Variants in PCYOX1 observed in about 807,000 individuals in gnomAD.
The protein encoded by PCYOX1 is prenylcysteine oxidase 1.
A neutral mutation model predicts 46.4 loss-of-function variants in PCYOX1; 46 were observed. The ratio of observed to expected loss-of-function variants is 0.99; its 90% CI spans 0.78 to 1.27. The LOEUF is 1.27. PCYOX1 is among the 50% of genes most tolerant of loss of function. PCYOX1 has a pLI of 0.00. For synonymous variants in PCYOX1, 220 were observed against 231.8 expected (o/e 0.95, Z 0.46); for missense variants, 658 against 628.3 (o/e 1.05, Z -0.51).
chr2:70,271,253 T>TC (rs1383118351), intron 3 of PCYOX1, among the ~76,000 whole-genome samples: 2 of 148,254 alleles, frequency 1.3e-5, no homozygotes, highest in Non-Finnish European at 3.0e-5. Context: ...TTTTTTTTTT[T>TC]CTGTAAGTAT....
In PCYOX1 at chr2:70,277,514, A is replaced by T; in HGVS notation, c.*122A>T. ...GCCATTATCATTGTTTAATAAAAGT[A>T]ATCCCTGCTGGTCATAGGAAAACAC... On this transcript the variant is annotated 3_prime_UTR_variant, in exon 6 of 6. Coordinates refer to ENST00000433351, the MANE Select transcript of PCYOX1 (RefSeq NM_016297.4). 1.3e-6 allele frequency: 1 copy of T among 782,242 alleles called. No individual in the cohort carries two copies. The highest frequency in any genetic ancestry group is 2.5e-5 in the East Asian group (1 of 39,250). 48.5% of individuals were successfully genotyped at this position (782,242 alleles called of 1,614,324 possible).
Position 70,261,217 on chromosome 2 carries a change from TCTG to T in PCYOX1, c.329_331del (p.Ala110del), listed in dbSNP as rs774946699. On this transcript the variant is annotated inframe_deletion, in exon 3 of 6. Transcript: ENST00000433351. ...TGTGCTTTATGTTTTTGCAGGTCTC[TCTG>T]CTGTTCAGGCCTCTGGTGGCCTACT... is the stretch of plus-strand genomic sequence containing the variant. The T allele has an allele frequency of 1.2e-4, 188 of 1,608,750 alleles. No individual in the cohort carries two copies. Among genetic ancestry groups the T allele is most frequent in the Non-Finnish European group, 1.3e-4 (156 of 1,175,610 alleles).
Position 70,277,359 on chromosome 2 carries a change from T to C in PCYOX1, c.1485T>C (p.Asp495=). 6.2e-7 allele frequency: 1 copy of C among 1,601,756 alleles called. No homozygotes were observed. The highest frequency in any genetic ancestry group is 8.5e-7 in the Non-Finnish European group (1 of 1,170,642). The change falls in exon 6 of 6, where the codon GAT becomes GAC. Residue 495 remains aspartate, a synonymous_variant. Transcript: ENST00000433351. ...WNGHTDMIDQ[D]GLYEKLKTEL ...GGCACACAGACATGATTGATCAGGATGGCTTATATGAGAAACTTAAAACTG... is the reference window on the plus strand; with the variant it reads ...GGCACACAGACATGATTGATCAGGACGGCTTATATGAGAAACTTAAAACTG...
intron 3 of PCYOX1, among the ~76,000 whole-genome samples, chr2:70,267,743 A>G (rs902019735): frequency 2.7e-5 from 4 of 148,928 alleles, no homozygotes; most frequent in African/African-American, 9.9e-5. Context: ...GCAGCAGTAC[A>G]GTCCAGCCTT....
chr2:70,258,485 GTGCCCACTTGA>G, intron 1 of PCYOX1: 1 of 408,738 alleles, frequency 2.4e-6, no homozygotes, highest in Non-Finnish European at 4.4e-6. Context: ...GCGTGGAGAG[GTGCCCACTTGA>G]GGAATGGGCG....
At chr2:70,260,854 A>T (rs115687673) in intron 2 of PCYOX1, among the ~76,000 whole-genome samples, 1 of 152,200 alleles carries the variant, frequency 6.6e-6, no homozygotes. Context: ...GTATACCCAG[A>T]ACAAATTATG....
intron 1 of PCYOX1, 71 bp from the exon 2 acceptor site, chr2:70,259,289 T>A: frequency 7.1e-7 from 1 of 1,408,882 alleles, no homozygotes; most frequent in Non-Finnish European, 1.0e-6. Context: ...ATTGATGGTC[T>A]TTCAAAAACA....
At chr2:70,262,374 C>T (rs1324932336) in intron 3 of PCYOX1, among the ~76,000 whole-genome samples, 2 of 151,638 alleles carry the variant, frequency 1.3e-5, no homozygotes, top group Non-Finnish European at 2.9e-5. Context: ...CCCTCTTGGC[C>T]AGGCTGGTCT....
chr2:70,270,594 G>A (rs2104896530), intron 3 of PCYOX1, among the ~76,000 whole-genome samples: 1 of 152,194 alleles, frequency 6.6e-6, no homozygotes, highest in Middle Eastern at 3.4e-3. Flanking sequence ...TACCTCTACC[G>A]GAAATATTTT....
Position 70,278,392 on chromosome 2 carries a change from A to C in PCYOX1, c.*1000A>C, listed in dbSNP as rs1038944999. On this transcript the variant is annotated 3_prime_UTR_variant, in exon 6 of 6. Coordinates refer to ENST00000433351, the MANE Select transcript of PCYOX1 (RefSeq NM_016297.4). Reference sequence around the variant, plus strand: ...AGGGTTTTAGTGCCTTAGAAGTCCTAAGAAGCCCAATCTGTATCAAAGCAG... The same window carrying C: ...AGGGTTTTAGTGCCTTAGAAGTCCTCAGAAGCCCAATCTGTATCAAAGCAG... 3.3e-5 allele frequency: 5 copies of C among 152,682 alleles called. No homozygotes were observed. The highest frequency in any genetic ancestry group is 1.3e-4 in the Admixed American group (2 of 15,288). 9.5% of individuals were successfully genotyped at this position (152,682 alleles called of 1,614,324 possible).
At chr2:70,262,477 A>ATT (rs1425261526) in intron 3 of PCYOX1, among the ~76,000 whole-genome samples, 14 of 115,056 alleles carry the variant, frequency 1.2e-4, no homozygotes, top group South Asian at 2.7e-4. Flanking sequence ...GCATGTGCTA[A>ATT]TTTTTTTTTT....
At position 70,278,786 on chromosome 2, in the gene PCYOX1, T is replaced by C. The variant is rs867607488; in HGVS notation, c.*1394T>C. ...TTCTGCATCTACTGTGCAAAGATCA[T>C]GATTAACTGTCAAGACACTGGTAGA... On this transcript the variant is annotated 3_prime_UTR_variant, in exon 6 of 6. Coordinates refer to ENST00000433351, the MANE Select transcript of PCYOX1 (RefSeq NM_016297.4). 6.6e-6 allele frequency: 1 copy of C among 152,158 alleles called. No individual in the cohort carries two copies. Among genetic ancestry groups the C allele is most frequent in the East Asian group, 1.9e-4 (1 of 5,188 alleles). The allele number at this position is 152,158 out of a possible 1,614,324, so 9.4% of individuals were successfully genotyped here.
rs536713913 is a variant in PCYOX1 at position 70,268,355 on chromosome 2, A to G, written c.495-6604A>G. On this transcript the variant is annotated intron_variant, in intron 3 of 5. Coordinates refer to ENST00000433351, the MANE Select transcript of PCYOX1 (RefSeq NM_016297.4). The stretch of plus-strand genomic sequence containing the variant: ...AAATCTGTTTTGTGACTGAGAAGAC[A>G]TGACAGGATTCTGTGCTCTCATCCC... Among the ~76,000 whole-genome samples, 9 of 152,256 alleles carry G rather than the reference A, an allele frequency of 5.9e-5. No individual in the cohort carries two copies. The East Asian group carries it at 1.5e-3, about 26-fold the overall frequency.
intron 1 of PCYOX1, among the ~76,000 whole-genome samples, chr2:70,258,730 T>TC (rs1414539395): frequency 6.6e-6 from 1 of 152,178 alleles, no homozygotes; most frequent in Non-Finnish European, 1.5e-5. Context: ...CCTGCCTGCT[T>TC]CCCTTGGGAG....
chr2:70,267,265 C>A (rs930905800), intron 3 of PCYOX1, among the ~76,000 whole-genome samples: 1 of 151,824 alleles, frequency 6.6e-6, no homozygotes, highest in East Asian at 1.9e-4. Flanking sequence ...ACTTCCTAGA[C>A]GGGATGACGG....
At position 70,275,275 on chromosome 2, in the gene PCYOX1, C is replaced by T. The variant is rs924177218; in HGVS notation, c.706+105C>T. ...GCTGTGGATTGGAGGCTACTTTTCT[C>T]TGTGAACCTCAGACATTGTTAGCAA... is the stretch of plus-strand genomic sequence containing the variant. On this transcript the variant is annotated intron_variant, in intron 4 of 5. Coordinates refer to ENST00000433351, the MANE Select transcript of PCYOX1 (RefSeq NM_016297.4). The T allele has an allele frequency of 6.8e-6, 7 of 1,030,408 alleles. 1 individual carries two copies. Among genetic ancestry groups the T allele is most frequent in the Middle Eastern group, 2.5e-4 (1 of 3,930 alleles). 63.8% of individuals were successfully genotyped at this position (1,030,408 alleles called of 1,614,324 possible).
chr2:70,267,098 C>T (rs1225286421), intron 3 of PCYOX1, among the ~76,000 whole-genome samples: 4 of 152,042 alleles, frequency 2.6e-5, no homozygotes, highest in African/African-American at 9.7e-5. Context: ...AGAGGCTCCT[C>T]ACCTCCCAGA....
chr2:70,269,473 CT>C (rs1696572206), intron 3 of PCYOX1, among the ~76,000 whole-genome samples: 1 of 151,216 alleles, frequency 6.6e-6, no homozygotes, highest in African/African-American at 2.4e-5. Flanking sequence ...GTAGGTGGGA[CT>C]ACAGGCATGC....
chr2:70,268,959 T>G (rs1289460601), intron 3 of PCYOX1, among the ~76,000 whole-genome samples: 1 of 152,030 alleles, frequency 6.6e-6, no homozygotes, highest in Non-Finnish European at 1.5e-5. Flanking sequence ...GAAATAAAAC[T>G]TTTTTTGTTT....
Sources: gnomAD v4.1 joint callset for allele counts (sites outside exome capture counted in the v4.1 genomes callset) on GRCh38, gnomAD v4.1.1 for gene constraint, MANE v1.5 for transcripts, NCBI Gene and HGNC (gene_info 2026-07-23, HGNC 2026-07-21) for gene names.